AP1M2: variants seen among roughly 807,000 people sequenced by gnomAD.
AP1M2 encodes the protein adaptor related protein complex 1 subunit mu 2.
AP1M2 carries 41 observed loss-of-function variants against 54.6 expected under a neutral mutation model. That is an observed-to-expected ratio of 0.75 (90% CI 0.59 to 0.97). The LOEUF is 0.97. Among genes scored for constraint, AP1M2 ranks in the 50% least tolerant of loss-of-function variants. The probability of loss-of-function intolerance (pLI) is 0.00; values close to 1 mark genes in which losing one functional copy is unlikely to be tolerated. For synonymous variants in AP1M2, 219 were observed against 215.9 expected (o/e 1.01, Z -0.13); for missense variants, 507 against 561.2 (o/e 0.90, Z 0.98).
chr19:10,577,656 C>T (rs1019260251), intron 8 of AP1M2, among the ~76,000 whole-genome samples: 2 of 150,280 alleles, frequency 1.3e-5, no homozygotes, highest in Admixed American at 1.3e-4. Context: ...AGGATGTTCT[C>T]GATCTCCTGA....
intron 8 of AP1M2, 47 bp from the exon 9 acceptor site, chr19:10,577,403 C>T (rs1361442316): frequency 2.1e-6 from 2 of 946,730 alleles, no homozygotes; most frequent in South Asian, 1.5e-5. Context: ...CTTGCTCATC[C>T]TTCAAATATT....
intron 7 of AP1M2, 29 bp downstream of exon 7, chr19:10,579,687 C>T: frequency 2.5e-6 from 4 of 1,596,212 alleles, no homozygotes; most frequent in Non-Finnish European, 3.4e-6. Context: ...CAACCTACTC[C>T]ACCCAGATGG....
At chr19:10,573,111 G>A (rs1199154175) in intron 11 of AP1M2, 23 bp from the exon 12 acceptor site, 18 of 1,558,370 alleles carry the variant, frequency 1.2e-5, no homozygotes, top group Non-Finnish European at 1.5e-5. Context: ...AATGAGGAGG[G>A]GCCATCTCAG....
chr19:10,575,681 T>C (rs746844535), intron 9 of AP1M2, among the ~76,000 whole-genome samples: 1 of 152,118 alleles, frequency 6.6e-6, no homozygotes, highest in Non-Finnish European at 1.5e-5. Context: ...TGAAATAGAC[T>C]GGCCTGGTTT....
At chr19:10,583,552 G>A (rs573680398) in intron 3 of AP1M2, 54 bp downstream of exon 3, 524 of 1,356,562 alleles carry the variant, frequency 3.9e-4, no homozygotes, top group Middle Eastern at 2.4e-3. Flanking sequence ...TGAAAGAGGC[G>A]GGCAAGAGGG....
In AP1M2 at chr19:10,578,886, G is replaced by A; in HGVS notation, c.888+6C>T. The A allele has an allele frequency of 5.6e-6, 9 of 1,605,378 alleles. No individual in the cohort carries two copies. The highest frequency in any genetic ancestry group is 6.8e-6 in the Non-Finnish European group (8 of 1,175,870). On this transcript the variant is annotated splice_donor_region_variant and intron_variant, in intron 8 of 11. Coordinates refer to ENST00000250244, the MANE Select transcript of AP1M2 (RefSeq NM_005498.5). ...CATTGTTAATAAGCATTCCCCCAAG[G>A]CCCACCTTGACCATGATCTCCACGC...
intron 11 of AP1M2, among the ~76,000 whole-genome samples, chr19:10,574,061 C>T (rs530098435): frequency 6.6e-6 from 1 of 152,096 alleles, no homozygotes; most frequent in South Asian, 2.1e-4. Context: ...GGGTTTCTGT[C>T]GACCAGGCAG....
In AP1M2 at chr19:10,583,973, G is replaced by T; in HGVS notation, c.140C>A (p.Ala47Asp). ...LVQREEEGAL[A>D]PLLSHGQVHF... Reference sequence around the variant, plus strand: ...GACCTGGCCGTGGCTCAGCAGCGGGGCCAGGGCGCCTTCCTCCTCCCGCTG... The same window carrying T: ...GACCTGGCCGTGGCTCAGCAGCGGGTCCAGGGCGCCTTCCTCCTCCCGCTG... Residue 47 changes from alanine to aspartate, a missense_variant, in exon 2 of 12, where the codon GCC becomes GAC. Coordinates refer to ENST00000250244, the MANE Select transcript of AP1M2 (RefSeq NM_005498.5). The T allele has an allele frequency of 6.2e-7, 1 of 1,604,694 alleles. No individual in the cohort carries two copies.
At chr19:10,577,142 C>T in intron 9 of AP1M2, 56 bp downstream of exon 9, 1 of 1,552,976 alleles carries the variant, frequency 6.4e-7, no homozygotes. Context: ...TGGGCAGCCC[C>T]CACACTACTC....
chr19:10,574,481 C>T lies in AP1M2; in HGVS notation c.1185G>A (p.Met395Ile). 6.4e-7 allele frequency: 1 copy of T among 1,564,652 alleles called. No individual in the cohort carries two copies. Among genetic ancestry groups the T allele is most frequent in the Non-Finnish European group, 8.7e-7 (1 of 1,154,466 alleles). The change falls in exon 11 of 12, where the codon ATG (methionine) becomes ATA (isoleucine). Residue 395 changes from methionine to isoleucine, a missense_variant. Met to Ile is a conservative substitution (Grantham distance 10). Transcript: ENST00000250244. Reference sequence around the variant, plus strand: ...GGTAACCACTTTTCTCAATGATCTTCATGTATCGGACCTGGAAGGGAATGA... The same window carrying T: ...GGTAACCACTTTTCTCAATGATCTTTATGTATCGGACCTGGAAGGGAATGA... Reference protein sequence around the residue: ...FTVSGIQVRYMKIIEKSGYQA... With the variant: ...FTVSGIQVRYIKIIEKSGYQA...
intron 11 of AP1M2, 170 bp downstream of exon 11, chr19:10,574,247 C>G (rs756262420): frequency 5.5e-6 from 3 of 541,052 alleles, no homozygotes; most frequent in Non-Finnish European, 9.6e-6. Context: ...CTCGAACTCC[C>G]GGCCTCAAGA....
rs769031495 is a variant in AP1M2 at position 10,581,590 on chromosome 19, C to T, written c.443G>A (p.Arg148Gln). 1.4e-5 allele frequency: 22 copies of T among 1,613,632 alleles called. No homozygotes were observed. Among genetic ancestry groups the T allele is most frequent in the Middle Eastern group, 1.6e-4 (1 of 6,084 alleles). The change falls in exon 5 of 12, where the codon CGG becomes CAG. Residue 148 changes from arginine (R) to glutamine (Q), a missense_variant. Transcript: ENST00000250244. ...AGCGTTGGTGACAGTGGGTGGCACC[C>T]GTGACTTGCCCGTCTCCAGCTTGTT... ...QSNKLETGKS[R>Q]VPPTVTNAVS...
In AP1M2 at chr19:10,572,868, GGGA is replaced by G; in HGVS notation, c.*195_*197del. ...GGGATGGGGAAAGCTCCAAGGGCGA[GGGA>G]AGCAGAGAGAGTTTCTCTCCCAGCC... is the stretch of plus-strand genomic sequence containing the variant. On this transcript the variant is annotated 3_prime_UTR_variant, in exon 12 of 12. Coordinates refer to ENST00000250244, the MANE Select transcript of AP1M2 (RefSeq NM_005498.5). 1 of 529,846 alleles carries G rather than the reference GGGA, an allele frequency of 1.9e-6. No individual in the cohort carries two copies. The highest frequency in any genetic ancestry group is 3.4e-6 in the Non-Finnish European group (1 of 295,962). 32.8% of individuals were successfully genotyped at this position (529,846 alleles called of 1,614,324 possible). A position where few individuals can be genotyped will look rare whatever the true frequency, so the allele number is the denominator to read the frequency against.
rs1449911605 is a variant in AP1M2, at chr19:10,572,689, G to A, written c.*377C>T. 1 of 222,256 alleles carries A rather than the reference G, an allele frequency of 4.5e-6. No individual in the cohort carries two copies. Among genetic ancestry groups the A allele is most frequent in the African/African-American group, 2.3e-5 (1 of 43,910 alleles). The allele number at this position is 222,256 out of a possible 1,614,324, so 13.8% of individuals were successfully genotyped here. ...CAGCGGCTAGATTCATCTTTTTAAT[G>A]ACATCCTAAAATTCAGAGGAGGGGC... On this transcript the variant is annotated 3_prime_UTR_variant, in exon 12 of 12. Transcript: ENST00000250244.
intron 1 of AP1M2, among the ~76,000 whole-genome samples, chr19:10,584,283 T>C (rs1162047441): frequency 6.6e-6 from 1 of 152,146 alleles, no homozygotes; most frequent in African/African-American, 2.4e-5. Context: ...CTGTGTTTTA[T>C]TAAAGGGTAG....
Position 10,581,870 on chromosome 19 carries a change from G to T in AP1M2, c.276C>A (p.Cys92Ter), listed in dbSNP as rs201611005. Residue 92 changes from cysteine (C) to a stop codon, truncating the protein, a stop_gained, in exon 4 of 12, where the codon TGC becomes TGA. Coordinates refer to ENST00000250244, the MANE Select transcript of AP1M2 (RefSeq NM_005498.5). LOFTEE classifies it high-confidence loss of function. ...CCTCCTCCAGCTCCTTGAAGTATTCGCAGAATACCTGGGGGTTGGAGGAGA... is the reference window on the plus strand; with the variant it reads ...CCTCCTCCAGCTCCTTGAAGTATTCTCAGAATACCTGGGGGTTGGAGGAGA... Reference protein sequence around the residue: ...SFLYKTIEVFCEYFKELEEES... With the variant: ...SFLYKTIEVF 2.5e-6 allele frequency: 4 copies of T among 1,611,104 alleles called. No individual in the cohort carries two copies. The South Asian group carries it at 4.4e-5, about 18-fold the overall frequency.
chr19:10,574,137 A>G (rs1264514307), intron 11 of AP1M2, among the ~76,000 whole-genome samples: 2 of 152,154 alleles, frequency 1.3e-5, no homozygotes, highest in Admixed American at 6.6e-5. Context: ...ATTCTGCCTC[A>G]GCTTCCTGAG....
At chr19:10,586,634 T>G (rs1424089498) in intron 1 of AP1M2, among the ~76,000 whole-genome samples, 1 of 151,954 alleles carries the variant, frequency 6.6e-6, no homozygotes, top group East Asian at 1.9e-4. Flanking sequence ...CTCCGGAGAC[T>G]GAGGCAGGAG....
chr19:10,574,580 T>A (rs770830176), intron 10 of AP1M2, 88 bp from the exon 11 acceptor site: 313 of 1,176,398 alleles, frequency 2.7e-4, no homozygotes, highest in Non-Finnish European at 3.5e-4. Context: ...GCCAAGCGGC[T>A]ATGTGGCACA....
Sources: gnomAD v4.1 joint callset for allele counts (sites outside exome capture counted in the v4.1 genomes callset) on GRCh38, gnomAD v4.1.1 for gene constraint, MANE v1.5 for transcripts, NCBI Gene and HGNC (gene_info 2026-07-23, HGNC 2026-07-21) for gene names.